RCSD1: variants seen among roughly 807,000 people sequenced by gnomAD.
The protein encoded by RCSD1 is RCSD domain containing 1, also known as capZ-interacting protein.
In RCSD1, 26 loss-of-function variants were observed where a neutral mutation model predicts 42.5. The observed-to-expected ratio is 0.61, with a 90% CI of 0.45 to 0.85. RCSD1 has a LOEUF of 0.85. Ranked by LOEUF, RCSD1 falls within the 40% of genes least tolerant of loss-of-function variation. The pLI is 0.00. For missense variants in RCSD1, 571 were observed against 528.3 expected (o/e 1.08, Z -0.79); for synonymous variants, 220 against 212.2 (o/e 1.04, Z -0.32).
chr1:167,675,364 C>A (rs1226197596), intron 1 of RCSD1, among the ~76,000 whole-genome samples: 1 of 152,060 alleles, frequency 6.6e-6, no homozygotes, highest in East Asian at 1.9e-4. Context: ...TGGCGGCAGG[C>A]AAGAGAGCTT....
Position 167,697,573 on chromosome 1 carries a change from G to A in RCSD1, c.949G>A (p.Val317Met), listed in dbSNP as rs1248574862. Residue 317 changes from valine (V) to methionine (M), a missense_variant, in exon 6 of 7, where the codon GTG (valine) becomes ATG (methionine). By Grantham distance (21) the Val-to-Met change is conservative. Coordinates refer to ENST00000367854, the MANE Select transcript of RCSD1 (RefSeq NM_052862.4). ...AGCAGAGATGGAAAAGGCTACAGAG[G>A]TGAAGGGGGAGAGGGTGCAAAATGA... ...EEAEMEKATEVKGERVQNEEV... is the reference protein window; with the variant it reads ...EEAEMEKATEMKGERVQNEEV... 1.9e-6 allele frequency: 3 copies of A among 1,607,728 alleles called. No homozygotes were observed. The African/African-American group carries it at 4.0e-5, about 22-fold the overall frequency.
At chr1:167,689,976 C>G in intron 3 of RCSD1, 73 bp from the exon 4 acceptor site, 1 of 1,437,964 alleles carries the variant, frequency 7.0e-7, no homozygotes, top group South Asian at 1.2e-5. Flanking sequence ...CTGCCTGTGG[C>G]TTTTGGGTTC....
At chr1:167,700,979 T>G (rs1484244404) in intron 6 of RCSD1, among the ~76,000 whole-genome samples, 1 of 152,180 alleles carries the variant, frequency 6.6e-6, no homozygotes, top group Non-Finnish European at 1.5e-5. Flanking sequence ...CAGGGAGGTC[T>G]CAGGTAGAAG....
intron 2 of RCSD1, among the ~76,000 whole-genome samples, chr1:167,685,167 G>A (rs1038362432): frequency 6.6e-6 from 1 of 152,166 alleles, no homozygotes; most frequent in Non-Finnish European, 1.5e-5. Flanking sequence ...AGCAGGAAAG[G>A]AAATGGAGTG....
rs1416852799 is a variant in RCSD1, at chr1:167,697,406, G to T, written c.782G>T (p.Gly261Val). 1 of 1,613,518 alleles carries T rather than the reference G, an allele frequency of 6.2e-7. No individual in the cohort carries two copies. The highest frequency in any genetic ancestry group is 1.7e-5 in the Admixed American group (1 of 59,894). ...EDRATEEAKN[G>V]EKARRSSEEV... ...AGGGCCACAGAGGAAGCCAAGAACG[G>T]TGAAAAGGCCAGGCGGAGTTCAGAG... The change falls in exon 6 of 7, where the codon GGT becomes GTT. Residue 261 changes from glycine (G) to valine (V), a missense_variant. By Grantham distance (109) the Gly-to-Val change is moderately radical. Transcript: ENST00000367854.
intron 1 of RCSD1, among the ~76,000 whole-genome samples, chr1:167,673,079 C>T (rs1289117697): frequency 3.3e-5 from 5 of 152,160 alleles, no homozygotes; most frequent in African/African-American, 7.2e-5. Flanking sequence ...AGACGATGCT[C>T]GGGACTGACC....
intron 1 of RCSD1, among the ~76,000 whole-genome samples, chr1:167,646,691 G>A: frequency 6.6e-6 from 1 of 152,086 alleles, no homozygotes; most frequent in East Asian, 1.9e-4. Context: ...TCCTGCCTAG[G>A]CGTCATCCCC....
intron 4 of RCSD1, among the ~76,000 whole-genome samples, chr1:167,691,844 G>T (rs1558091725): frequency 6.6e-6 from 1 of 152,142 alleles, no homozygotes; most frequent in East Asian, 1.9e-4. Flanking sequence ...GGTGCTACCT[G>T]TCACTCCAGG....
At chr1:167,684,704 G>A (rs961503817) in intron 2 of RCSD1, among the ~76,000 whole-genome samples, 30 of 152,076 alleles carry the variant, frequency 2.0e-4, no homozygotes, top group East Asian at 1.2e-3. Flanking sequence ...GAGAAACCCC[G>A]TCTCCACTAA....
chr1:167,676,090 C>T (rs772853392), intron 1 of RCSD1, among the ~76,000 whole-genome samples: 2 of 152,200 alleles, frequency 1.3e-5, no homozygotes, highest in Non-Finnish European at 2.9e-5. Context: ...TTAAATCCTT[C>T]CAATGAGCCT....
chr1:167,633,896 T>A (rs1420675369), intron 1 of RCSD1: 6 of 152,186 alleles, frequency 3.9e-5, no homozygotes, highest in African/African-American at 1.2e-4. Context: ...GACCATGCGC[T>A]GGAAGGGAAG....
chr1:167,665,864 T>A (rs996245100), intron 1 of RCSD1, among the ~76,000 whole-genome samples: 1 of 151,562 alleles, frequency 6.6e-6, no homozygotes, highest in South Asian at 2.1e-4. Context: ...CAGTCTGGAG[T>A]GCGGTGGCAT....
intron 6 of RCSD1, among the ~76,000 whole-genome samples, 163 bp from the exon 7 acceptor site, chr1:167,704,501 T>TA (rs34762939): frequency 0.24 from 35,985 of 151,986 alleles, 4,613 homozygotes; most frequent in Middle Eastern, 0.31. Context: ...AGTCAATGCA[T>TA]AAAAAAAACT....
At chr1:167,688,811 G>A (rs1010401530) in intron 3 of RCSD1, among the ~76,000 whole-genome samples, 6 of 152,104 alleles carry the variant, frequency 3.9e-5, no homozygotes, top group African/African-American at 1.2e-4. Flanking sequence ...TGGGGTCAAG[G>A]AGCAGGTCAT....
intron 1 of RCSD1, among the ~76,000 whole-genome samples, chr1:167,638,153 C>T (rs1189281233): frequency 6.6e-6 from 1 of 152,192 alleles, no homozygotes; most frequent in Non-Finnish European, 1.5e-5. Flanking sequence ...CCACCACGAC[C>T]TCCATCTCTG....
intron 5 of RCSD1, among the ~76,000 whole-genome samples, chr1:167,696,691 G>A (rs995645959): frequency 2.0e-5 from 3 of 151,982 alleles, no homozygotes; most frequent in African/African-American, 4.8e-5. Flanking sequence ...GAGCTCAAGC[G>A]ATCCTCCTGC....
intron 1 of RCSD1, among the ~76,000 whole-genome samples, chr1:167,637,730 CCACACACACACACACACA>C (rs66925392): frequency 7.5e-5 from 11 of 146,740 alleles, no homozygotes; most frequent in East Asian, 4.1e-4. Context: ...TAGGAATAGA[CCACACACACACACACACA>C]CACACACACA....
intron 4 of RCSD1, among the ~76,000 whole-genome samples, chr1:167,691,245 C>A (rs1234301101): frequency 2.0e-5 from 3 of 152,218 alleles, no homozygotes; most frequent in Non-Finnish European, 2.9e-5. Flanking sequence ...TCAATGTCCC[C>A]TGGAGGCAAA....
chr1:167,669,594 A>C (rs1658752885), intron 1 of RCSD1, among the ~76,000 whole-genome samples: 1 of 152,218 alleles, frequency 6.6e-6, no homozygotes, highest in Non-Finnish European at 1.5e-5. Context: ...TACATACTTT[A>C]ACCAAGACTG....
Sources: gnomAD v4.1 joint callset for allele counts (sites outside exome capture counted in the v4.1 genomes callset) on GRCh38, gnomAD v4.1.1 for gene constraint, MANE v1.5 for transcripts, NCBI Gene and HGNC (gene_info 2026-07-23, HGNC 2026-07-21) for gene names.